ESRP1: variants seen among roughly 807,000 people sequenced by gnomAD.
The protein encoded by ESRP1 is epithelial splicing regulatory protein 1.
Under a neutral mutation model 81.7 loss-of-function variants are expected in ESRP1, and 33 were observed. The ratio of observed to expected loss-of-function variants is 0.40; its 90% CI spans 0.31 to 0.54. ESRP1 has a LOEUF of 0.54. Ranked by LOEUF, ESRP1 falls within the 20% of genes least tolerant of loss-of-function variation. ESRP1 has a pLI of 0.41. For missense variants in ESRP1, 672 were observed against 833.1 expected, an observed-to-expected ratio of 0.81 and a Z score of 2.38; for synonymous variants, 320 against 303.3, an observed-to-expected ratio of 1.06 and a Z score of -0.57.
Position 94,705,916 on chromosome 8 carries a change from T to G in ESRP1, c.*36-9T>G. 1.3e-6 allele frequency: 2 copies of G among 1,519,276 alleles called. No homozygotes were observed. Among genetic ancestry groups the G allele is most frequent in the Non-Finnish European group, 1.8e-6 (2 of 1,137,268 alleles). The allele number at this position is 1,519,276 out of a possible 1,614,324, so 94.1% of individuals were successfully genotyped here. On this transcript the variant is annotated splice_polypyrimidine_tract_variant and intron_variant, in intron 15 of 15. Transcript: ENST00000433389. ...TCCTTTTATTCACTTTTTTTTTTTT[T>G]TTTTTCAGTGTTTGAAAGATGTATG... is the stretch of plus-strand genomic sequence containing the variant.
chr8:94,658,460 T>C (rs547765232), intron 4 of ESRP1, among the ~76,000 whole-genome samples: 1 of 152,298 alleles, frequency 6.6e-6, no homozygotes, highest in South Asian at 2.1e-4. Context: ...TTAGGAATAG[T>C]ATCTAATGAA....
At chr8:94,653,100 G>A (rs1000928787) in intron 4 of ESRP1, among the ~76,000 whole-genome samples, 1 of 151,414 alleles carries the variant, frequency 6.6e-6, no homozygotes. Flanking sequence ...TGTTTGACGT[G>A]ATTATGATTG....
chr8:94,705,156 C>CTTTTTTTTTTTTTTTT (rs57801249), intron 15 of ESRP1, among the ~76,000 whole-genome samples: 4 of 90,560 alleles, frequency 4.4e-5, no homozygotes, highest in African/African-American at 1.8e-4. Flanking sequence ...TGCCTTATTG[C>CTTTTTTTTTTTTTTTT]TTTTTTTTTT....
chr8:94,659,196 A>G (rs917874804), intron 4 of ESRP1, among the ~76,000 whole-genome samples: 1 of 149,688 alleles, frequency 6.7e-6, no homozygotes. Context: ...TGTTTTGTTT[A>G]AAAAAAAAGA....
intron 6 of ESRP1, among the ~76,000 whole-genome samples, chr8:94,663,348 C>T (rs1818853098): frequency 2.6e-5 from 4 of 152,078 alleles, no homozygotes; most frequent in South Asian, 2.1e-4. Flanking sequence ...CGGGTTCAAG[C>T]GATTCTTGTG....
At chr8:94,656,601 CTT>C (rs1383227521) in intron 4 of ESRP1, among the ~76,000 whole-genome samples, 5 of 152,178 alleles carry the variant, frequency 3.3e-5, no homozygotes, top group African/African-American at 4.8e-5. Flanking sequence ...GACTAATAAA[CTT>C]TTCTCTTTTT....
intron 2 of ESRP1, among the ~76,000 whole-genome samples, chr8:94,642,313 C>G (rs761110121): frequency 2.0e-5 from 3 of 152,242 alleles, no homozygotes; most frequent in Non-Finnish European, 4.4e-5. Context: ...CACTAGTTTT[C>G]GAGTTGCTTC....
chr8:94,684,059 C>G (rs922424807), intron 13 of ESRP1, among the ~76,000 whole-genome samples: 3 of 152,160 alleles, frequency 2.0e-5, no homozygotes, highest in African/African-American at 7.2e-5. Flanking sequence ...GTTGGTCAAG[C>G]TGATCTCGAA....
intron 7 of ESRP1, 51 bp downstream of exon 7, chr8:94,664,858 G>C (rs753931997): frequency 8.5e-5 from 137 of 1,608,594 alleles, no homozygotes; most frequent in Non-Finnish European, 1.1e-4. Context: ...AGGGATAATG[G>C]ATTTTCTATC....
chr8:94,682,759 A>G (rs1393406475), intron 13 of ESRP1, among the ~76,000 whole-genome samples: 1 of 151,218 alleles, frequency 6.6e-6, no homozygotes, highest in Non-Finnish European at 1.5e-5. Context: ...GCATGCTTGT[A>G]TAAAAGCTTT....
chr8:94,697,049 C>T (rs1293940602), intron 15 of ESRP1, 88 bp downstream of exon 15: 2 of 853,862 alleles, frequency 2.3e-6, no homozygotes, highest in Non-Finnish European at 1.8e-6. Context: ...CTGAGAGAAT[C>T]CTTCTTTTCT....
intron 15 of ESRP1, among the ~76,000 whole-genome samples, chr8:94,703,715 AG>A (rs1809941252): frequency 6.6e-6 from 1 of 152,138 alleles, no homozygotes; most frequent in African/African-American, 2.4e-5. Flanking sequence ...TCACTCTCTG[AG>A]ATACCCCTAG....
chr8:94,647,960 T>C (rs890570313), intron 4 of ESRP1, among the ~76,000 whole-genome samples: 2 of 152,106 alleles, frequency 1.3e-5, no homozygotes, highest in African/African-American at 4.8e-5. Context: ...CTGGGCATTA[T>C]TGCGAGAACC....
intron 3 of ESRP1, among the ~76,000 whole-genome samples, chr8:94,645,781 A>G (rs1443464840): frequency 1.3e-5 from 2 of 152,202 alleles, no homozygotes; most frequent in Non-Finnish European, 2.9e-5. Context: ...ACCTGTGTGA[A>G]AACTGAAAGG....
intron 13 of ESRP1, among the ~76,000 whole-genome samples, chr8:94,681,061 C>T (rs1190977443): frequency 6.6e-6 from 1 of 151,654 alleles, no homozygotes; most frequent in Non-Finnish European, 1.5e-5. Flanking sequence ...AACTGTGGCT[C>T]ACGCCTGTAA....
At chr8:94,682,801 G>A (rs1201882230) in intron 13 of ESRP1, among the ~76,000 whole-genome samples, 2 of 148,262 alleles carry the variant, frequency 1.3e-5, no homozygotes, top group South Asian at 4.3e-4. Flanking sequence ...CTTTCTTGGG[G>A]TAACCATTTG....
At position 94,695,348 on chromosome 8, in the gene ESRP1, C is replaced by CTTTTTTTT. The variant is rs1177357708; in HGVS notation, c.1972-1487_1972-1480dup. On this transcript the variant is annotated intron_variant, in intron 14 of 15. Transcript: ENST00000433389. ...GAGTAAATAAAATTTCTTTTTCTTT[C>CTTTTTTTT]TTTTTTTTTTTTTTTTTTTTTTTTG... Among the ~76,000 whole-genome samples, 118 of 61,174 alleles carry CTTTTTTTT rather than the reference C, an allele frequency of 1.9e-3. 5 individuals carry two copies. Among genetic ancestry groups the CTTTTTTTT allele is most frequent in the African/African-American group, 5.3e-3 (90 of 16,872 alleles). 40.1% of individuals were successfully genotyped at this position (61,174 alleles called of 152,430 possible).
Position 94,678,342 on chromosome 8 carries a change from C to G in ESRP1, c.1791C>G (p.Leu597=). ...STAYYPAGTQ[L]FMNYTAYYPS... is the part of the protein sequence containing the mutation. Reference sequence around the variant, plus strand: ...CGTACTACCCAGCAGGCACTCAGCTCTTCATGAATTACACAGCGTACTATC... The same window carrying G: ...CGTACTACCCAGCAGGCACTCAGCTGTTCATGAATTACACAGCGTACTATC... Residue 597 remains leucine, a synonymous_variant, in exon 13 of 16, where the codon CTC becomes CTG. Coordinates refer to ENST00000433389, the MANE Select transcript of ESRP1 (RefSeq NM_017697.4). 1 of 1,613,978 alleles carries G rather than the reference C, an allele frequency of 6.2e-7. No individual in the cohort carries two copies. Among genetic ancestry groups the G allele is most frequent in the Non-Finnish European group, 8.5e-7 (1 of 1,179,876 alleles).
chr8:94,652,638 C>G (rs1818202044), intron 4 of ESRP1, among the ~76,000 whole-genome samples: 1 of 152,086 alleles, frequency 6.6e-6, no homozygotes, highest in Non-Finnish European at 1.5e-5. Context: ...GATTTCTTAA[C>G]CTGCTTTTTG....
Sources: gnomAD v4.1 joint callset for allele counts (sites outside exome capture counted in the v4.1 genomes callset) on GRCh38, gnomAD v4.1.1 for gene constraint, MANE v1.5 for transcripts, NCBI Gene and HGNC (gene_info 2026-07-23, HGNC 2026-07-21) for gene names.